The following NDST3 variants were observed in gnomAD, a reference collection of about 807,000 sequenced individuals.
NDST3 encodes N-deacetylase and N-sulfotransferase 3.
Under a neutral mutation model 96.1 loss-of-function variants are expected in NDST3, and 58 were observed. The ratio of observed to expected loss-of-function variants is 0.60; its 90% confidence interval spans 0.49 to 0.75. The LOEUF (loss-of-function observed/expected upper bound fraction) is 0.75, where lower values mean the gene tolerates loss of function less well. Ranked by LOEUF, NDST3 falls within the 30% of genes least tolerant of loss-of-function variation. NDST3 has a pLI of 0.00. For synonymous variants in NDST3, 333 were observed against 359.7 expected (o/e 0.93, Z 0.84); for missense variants, 788 against 1,034.2 (o/e 0.76, Z 3.27).
intron 1 of NDST3, among the ~76,000 whole-genome samples, chr4:118,035,950 T>A (rs1295423644): frequency 1.3e-5 from 2 of 152,120 alleles, no homozygotes; most frequent in Non-Finnish European, 2.9e-5. Context: ...GGTGGAGTTA[T>A]ATATACCCTC....
At chr4:118,062,181 C>T (rs531544263) in intron 2 of NDST3, among the ~76,000 whole-genome samples, 1 of 152,284 alleles carries the variant, frequency 6.6e-6, no homozygotes, top group African/African-American at 2.4e-5. Flanking sequence ...TTAAAGACTT[C>T]CTTCAATGAG....
chr4:118,088,358 A>G (rs1029052452), intron 2 of NDST3, among the ~76,000 whole-genome samples: 5 of 152,090 alleles, frequency 3.3e-5, no homozygotes, highest in African/African-American at 1.2e-4. Context: ...GTTTTTTCCT[A>G]GGATGATCTA....
rs1560617786 is a variant in NDST3, at chr4:118,066,196, T to TATTACATATTATA, written c.981+11305_981+11306insATTACATATTATA. The stretch of plus-strand genomic sequence containing the variant: ...TTTTATATATTATATATCTTATATA[T>TATTACATATTATA]TATATTTTATATATTATACATAATA... On this transcript the variant is annotated intron_variant, in intron 2 of 13. Transcript: ENST00000296499. Among the ~76,000 whole-genome samples the TATTACATATTATA allele has an allele frequency of 1.7e-3, 85 of 51,260 alleles. 11 individuals are homozygous for TATTACATATTATA. Among genetic ancestry groups the TATTACATATTATA allele is most frequent in the African/African-American group, 5.7e-3 (82 of 14,430 alleles). The allele number at this position is 51,260 out of a possible 152,430, so 33.6% of individuals were successfully genotyped here.
chr4:118,152,553 T>C (rs1167521804), intron 6 of NDST3, among the ~76,000 whole-genome samples: 1 of 152,186 alleles, frequency 6.6e-6, no homozygotes, highest in Non-Finnish European at 1.5e-5. Context: ...AGGGGCCTAC[T>C]GTAAATATTT....
chr4:118,071,046 A>G lies in NDST3; in HGVS notation c.981+16155A>G, dbSNP rs1727026885. 1.3e-5 allele frequency among the ~76,000 whole-genome samples: 2 copies of G among 152,028 alleles called. 1 individual carries two copies. The highest frequency in any genetic ancestry group is 2.9e-5 in the Non-Finnish European group (2 of 68,006). ...AGCTTCATCCATGTCCCTAGAAAGG[A>G]CATGAACTTATCCTTTTTTATGGCT... On this transcript the variant is annotated intron_variant, in intron 2 of 13. Transcript: ENST00000296499.
chr4:118,205,245 A>G (rs1738358882), intron 6 of NDST3, among the ~76,000 whole-genome samples: 1 of 144,546 alleles, frequency 6.9e-6, no homozygotes, highest in Admixed American at 6.9e-5. Flanking sequence ...ATAGATACTC[A>G]AAGAGAACAA....
chr4:118,088,480 C>T (rs1482399520), intron 2 of NDST3, among the ~76,000 whole-genome samples: 1 of 151,918 alleles, frequency 6.6e-6, no homozygotes, highest in Non-Finnish European at 1.5e-5. Flanking sequence ...AATGAGTAGC[C>T]AAGGTAATAT....
intron 9 of NDST3, among the ~76,000 whole-genome samples, chr4:118,233,459 A>AT (rs1199040197): frequency 2.0e-5 from 3 of 152,106 alleles, no homozygotes; most frequent in Non-Finnish European, 4.4e-5. Flanking sequence ...AGGAAAAAAA[A>AT]TTTTCATATA....
At chr4:118,248,718 C>T (rs1741473541) in intron 12 of NDST3, among the ~76,000 whole-genome samples, 1 of 152,202 alleles carries the variant, frequency 6.6e-6, no homozygotes, top group Non-Finnish European at 1.5e-5. Flanking sequence ...AAGATAGTTT[C>T]CTTGCTGTTC....
chr4:118,134,734 C>T (rs1159224304), intron 4 of NDST3, among the ~76,000 whole-genome samples: 1 of 152,156 alleles, frequency 6.6e-6, no homozygotes, highest in Non-Finnish European at 1.5e-5. Flanking sequence ...ACTATTAAGA[C>T]TATTAATTCC....
chr4:118,150,285 A>G (rs1329337925), intron 6 of NDST3, among the ~76,000 whole-genome samples: 1 of 152,206 alleles, frequency 6.6e-6, no homozygotes, highest in Non-Finnish European at 1.5e-5. Flanking sequence ...TAAAAACCCT[A>G]GAAGAAAACC....
Position 118,114,846 on chromosome 4 carries a change from G to T in NDST3, c.1110G>T (p.Gly370=), listed in dbSNP as rs1466320676. The change falls in exon 4 of 14, where the codon GGG becomes GGT. Residue 370 remains glycine, a synonymous_variant. Coordinates refer to ENST00000296499, the MANE Select transcript of NDST3 (RefSeq NM_004784.3). ...ATGAAGGAGATGACTGTCTGTTGGG[G>T]TCTGTGGATGAGTTCTGGTGGTTTC... The part of the protein sequence containing the change: ...EEDEGDDCLL[G]SVDEFWWFPH... 6.2e-7 allele frequency: 1 copy of T among 1,614,116 alleles called. No individual in the cohort carries two copies. The highest frequency in any genetic ancestry group is 2.2e-5 in the East Asian group (1 of 44,874).
At chr4:118,216,330 G>T (rs909294849) in intron 6 of NDST3, among the ~76,000 whole-genome samples, 2 of 152,046 alleles carry the variant, frequency 1.3e-5, no homozygotes, top group African/African-American at 4.8e-5. Context: ...CTGCTAGAAA[G>T]AAATTGTAAA....
At chr4:118,170,711 A>T (rs541102086) in intron 6 of NDST3, among the ~76,000 whole-genome samples, 2 of 152,286 alleles carry the variant, frequency 1.3e-5, no homozygotes, top group African/African-American at 4.8e-5. Context: ...CCTGGGCGAC[A>T]GAGTGAGACC....
rs114136985 is a variant in NDST3 at position 118,177,704 on chromosome 4, G to A, written c.1539+34020G>A. ...ATCATGATAAATATTTCAGAATGGGGTAATCCTGGATCATGATTATAAAGT... is the reference window on the plus strand; with the variant it reads ...ATCATGATAAATATTTCAGAATGGGATAATCCTGGATCATGATTATAAAGT... On this transcript the variant is annotated intron_variant, in intron 6 of 13. Coordinates refer to ENST00000296499, the MANE Select transcript of NDST3 (RefSeq NM_004784.3). 9.4e-3 allele frequency among the ~76,000 whole-genome samples: 1,422 copies of A among 152,024 alleles called. 18 individuals are homozygous for A. The highest frequency in any genetic ancestry group is 0.033 in the African/African-American group (1,361 of 41,534).
At chr4:118,079,087 G>A (rs1366113716) in intron 2 of NDST3, among the ~76,000 whole-genome samples, 2 of 152,066 alleles carry the variant, frequency 1.3e-5, no homozygotes, top group African/African-American at 2.4e-5. Flanking sequence ...ACCATTTTTG[G>A]CCATTCACTC....
chr4:118,173,246 AT>A (rs1433925899), intron 6 of NDST3, among the ~76,000 whole-genome samples: 1 of 152,136 alleles, frequency 6.6e-6, no homozygotes, highest in Non-Finnish European at 1.5e-5. Context: ...ATTCTAATAG[AT>A]GAAGAAACTG....
chr4:118,109,307 TA>T (rs1730452482), intron 3 of NDST3, among the ~76,000 whole-genome samples: 1 of 152,144 alleles, frequency 6.6e-6, no homozygotes, highest in African/African-American at 2.4e-5. Context: ...GTGGTGTGTT[TA>T]GGGGGAGAGG....
At chr4:118,111,535 A>AT (rs149834516) in intron 3 of NDST3, among the ~76,000 whole-genome samples, 13 of 132,456 alleles carry the variant, frequency 9.8e-5, no homozygotes, top group African/African-American at 3.1e-4. Flanking sequence ...TTTAATCATG[A>AT]TTTTTTTTTT....
Sources: gnomAD v4.1 joint callset for allele counts (sites outside exome capture counted in the v4.1 genomes callset) on GRCh38, gnomAD v4.1.1 for gene constraint, MANE v1.5 for transcripts, NCBI Gene and HGNC (gene_info 2026-07-23, HGNC 2026-07-21) for gene names.